The following PTPRO variants were observed in gnomAD, a reference collection of about 807,000 sequenced individuals.
PTPRO encodes the protein protein tyrosine phosphatase receptor type O.
Under a neutral mutation model 145.2 loss-of-function variants are expected in PTPRO, and 62 were observed. The observed-to-expected ratio is 0.43, with a 90% CI of 0.35 to 0.53. The LOEUF (loss-of-function observed/expected upper bound fraction) is 0.53. Ranked by LOEUF, PTPRO falls within the 20% of genes least tolerant of loss-of-function variation. The pLI, the probability that PTPRO is intolerant of heterozygous loss-of-function variation, is 0.01. For synonymous variants in PTPRO, 565 were observed against 514.7 expected (o/e 1.10, Z -1.32); for missense variants, 1,345 against 1,482.7 (o/e 0.91, Z 1.53).
chr12:15,477,850 G>A (rs931567466), intron 1 of PTPRO, among the ~76,000 whole-genome samples: 1 of 152,132 alleles, frequency 6.6e-6, no homozygotes, highest in Non-Finnish European at 1.5e-5. Context: ...ATCTACCTTT[G>A]AGGCCTGGAA....
chr12:15,376,666 T>A (rs1286570861), intron 1 of PTPRO, among the ~76,000 whole-genome samples: 1 of 152,216 alleles, frequency 6.6e-6, no homozygotes, highest in African/African-American at 2.4e-5. Flanking sequence ...GCCAACAGGT[T>A]CAGCATCTGG....
chr12:15,507,267 G>A (rs1296502975), intron 6 of PTPRO, among the ~76,000 whole-genome samples: 3 of 151,934 alleles, frequency 2.0e-5, no homozygotes, highest in Non-Finnish European at 4.4e-5. Flanking sequence ...ACGAATATTA[G>A]CCAGGCATAG....
intron 1 of PTPRO, among the ~76,000 whole-genome samples, chr12:15,416,867 G>A (rs1446611727): frequency 6.6e-6 from 1 of 151,438 alleles, no homozygotes; most frequent in African/African-American, 2.5e-5. Context: ...TGTGTCAGTG[G>A]TTGGCCAGAG....
At chr12:15,546,310 A>G in intron 12 of PTPRO, 5 of 1,288,726 alleles carry the variant, frequency 3.9e-6, no homozygotes, top group Non-Finnish European at 5.0e-6. Flanking sequence ...GATTATGACT[A>G]TGATGAAACT....
chr12:15,423,492 A>T (rs573863569), intron 1 of PTPRO, among the ~76,000 whole-genome samples: 27 of 151,994 alleles, frequency 1.8e-4, no homozygotes, highest in African/African-American at 6.3e-4. Flanking sequence ...ATATTAGACC[A>T]GTTTGAAAAA....
chr12:15,390,348 T>A (rs1939154117), intron 1 of PTPRO, among the ~76,000 whole-genome samples: 1 of 152,142 alleles, frequency 6.6e-6, no homozygotes, highest in Admixed American at 6.5e-5. Flanking sequence ...AAACTCACAA[T>A]TCTGTGTGGC....
At position 15,586,956 on chromosome 12, in the gene PTPRO, G is replaced by GC. The variant is rs1944442509; in HGVS notation, c.3318dup (p.Thr1107HisfsTer54). The GC allele has an allele frequency of 6.2e-7, 1 of 1,613,974 alleles. No individual in the cohort carries two copies. The highest frequency in any genetic ancestry group is 8.5e-7 in the Non-Finnish European group (1 of 1,179,990). Reference sequence around the variant, plus strand: ...ACACTGCATGGCCTGATCATGGTGTGCCCACAGCAAATGCTGCAGAAAGTA... The same window carrying GC: ...ACACTGCATGGCCTGATCATGGTGTGCCCCACAGCAAATGCTGCAGAAAGTA... On this transcript the variant is annotated frameshift_variant, in exon 24 of 27. Transcript: ENST00000281171. LOFTEE classifies it high-confidence loss of function.
At chr12:15,476,669 G>T (rs1450306039) in intron 1 of PTPRO, among the ~76,000 whole-genome samples, 1 of 151,990 alleles carries the variant, frequency 6.6e-6, no homozygotes, top group East Asian at 1.9e-4. Context: ...GTAATGCCTA[G>T]GTTTTCTTCT....
chr12:15,343,896 G>C (rs986976475), intron 1 of PTPRO, among the ~76,000 whole-genome samples: 2 of 152,164 alleles, frequency 1.3e-5, no homozygotes, highest in Non-Finnish European at 2.9e-5. Flanking sequence ...GTGTGAGCCA[G>C]GATGGTCTCG....
At chr12:15,491,928 T>C (rs1187040454) in intron 2 of PTPRO, among the ~76,000 whole-genome samples, 2 of 150,238 alleles carry the variant, frequency 1.3e-5, no homozygotes, top group South Asian at 2.1e-4. Flanking sequence ...CAGCAAAGAT[T>C]CTTCCTGTTT....
At chr12:15,534,102 C>T (rs74063851) in intron 12 of PTPRO, among the ~76,000 whole-genome samples, 1 of 152,028 alleles carries the variant, frequency 6.6e-6, no homozygotes, top group Non-Finnish European at 1.5e-5. Context: ...GATGTTGAAC[C>T]AACCATCCCA....
At chr12:15,459,887 C>T (rs548615043) in intron 1 of PTPRO, among the ~76,000 whole-genome samples, 6 of 152,186 alleles carry the variant, frequency 3.9e-5, no homozygotes, top group African/African-American at 1.4e-4. Context: ...AACTCAGGTA[C>T]CCAAAGCAGA....
At chr12:15,575,621 C>G (rs1466990033) in intron 19 of PTPRO, among the ~76,000 whole-genome samples, 1 of 152,240 alleles carries the variant, frequency 6.6e-6, no homozygotes, top group Admixed American at 6.5e-5. Flanking sequence ...ACACAGCCAA[C>G]AAAACGTAGC....
chr12:15,417,454 A>G (rs1342790817), intron 1 of PTPRO, among the ~76,000 whole-genome samples: 2 of 151,668 alleles, frequency 1.3e-5, no homozygotes, highest in East Asian at 3.8e-4. Context: ...AAATAGCAAA[A>G]GAGTATATTG....
At chr12:15,557,807 G>A (rs999321518) in intron 16 of PTPRO, among the ~76,000 whole-genome samples, 1 of 152,182 alleles carries the variant, frequency 6.6e-6, no homozygotes, top group African/African-American at 2.4e-5. Context: ...TGCTGAAAAA[G>A]GGCTTAAATG....
intron 1 of PTPRO, among the ~76,000 whole-genome samples, chr12:15,452,532 A>C (rs1941073192): frequency 2.0e-5 from 3 of 152,188 alleles, no homozygotes; most frequent in Non-Finnish European, 2.9e-5. Flanking sequence ...CGGGGAAAGG[A>C]CGTGACAGAA....
intron 3 of PTPRO, among the ~76,000 whole-genome samples, chr12:15,498,191 C>T (rs528802606): frequency 2.8e-4 from 43 of 152,288 alleles, no homozygotes; most frequent in African/African-American, 9.4e-4. Flanking sequence ...AGGAAAATGT[C>T]ATTTTCACTT....
At chr12:15,333,985 G>GT (rs1255139938) in intron 1 of PTPRO, among the ~76,000 whole-genome samples, 2 of 152,048 alleles carry the variant, frequency 1.3e-5, no homozygotes, top group Non-Finnish European at 2.9e-5. Context: ...TTTTTAAAAT[G>GT]TAAAACTTTG....
intron 10 of PTPRO, among the ~76,000 whole-genome samples, chr12:15,521,881 G>A (rs1428072285): frequency 6.6e-6 from 1 of 152,194 alleles, no homozygotes; most frequent in Non-Finnish European, 1.5e-5. Flanking sequence ...GTTTATAACA[G>A]TTTAAATGGA....
Sources: allele counts gnomAD v4.1 joint callset (sites outside exome capture counted in the v4.1 genomes callset), GRCh38; gene constraint gnomAD v4.1.1; transcripts MANE v1.5; gene names NCBI Gene and HGNC (gene_info 2026-07-23, HGNC 2026-07-21).